Variants in RXRA observed in about 807,000 individuals in gnomAD.
The protein encoded by RXRA is retinoic acid receptor RXR-alpha.
Under a neutral mutation model 44.5 loss-of-function variants are expected in RXRA, and 5 were observed. The observed-to-expected ratio is 0.11, with a 90% CI of 0.06 to 0.24. RXRA has a LOEUF of 0.24. Ranked by LOEUF, RXRA falls within the 10% of genes least tolerant of loss-of-function variation. RXRA has a pLI of 1.00. For missense variants in RXRA, 412 were observed against 646.5 expected, an observed-to-expected ratio of 0.64 and a Z score of 3.93; for synonymous variants, 291 against 271.4, an observed-to-expected ratio of 1.07 and a Z score of -0.71.
At chr9:134,403,186 CTGT>C (rs925384966) in intron 2 of RXRA, 1 of 152,652 alleles carries the variant, frequency 6.6e-6, no homozygotes, top group Non-Finnish European at 1.5e-5. Flanking sequence ...CCACCTGGCC[CTGT>C]TTAGAGCTGG....
chr9:134,399,036 C>T (rs1395837720), intron 1 of RXRA, among the ~76,000 whole-genome samples: 1 of 152,288 alleles, frequency 6.6e-6, no homozygotes, highest in African/African-American at 2.4e-5. Context: ...AGCCCTGGTC[C>T]AGGCTCAGTC....
intron 6 of RXRA, chr9:134,424,718 C>G: frequency 5.1e-6 from 5 of 985,470 alleles, no homozygotes; most frequent in Non-Finnish European, 4.8e-6. Context: ...GGCCAGGTGG[C>G]TGGAGAGGAC....
At chr9:134,435,009 A>C (rs534390562) in intron 9 of RXRA, among the ~76,000 whole-genome samples, 1 of 152,292 alleles carries the variant, frequency 6.6e-6, no homozygotes, top group South Asian at 2.1e-4. Flanking sequence ...CCGGAGGACG[A>C]GGACAGGAGG....
At chr9:134,430,320 G>A (rs1450343662) in intron 7 of RXRA, among the ~76,000 whole-genome samples, 1 of 152,240 alleles carries the variant, frequency 6.6e-6, no homozygotes, top group African/African-American at 2.4e-5. Flanking sequence ...GCAGGGGTCT[G>A]CAACACAGGA....
intron 1 of RXRA, among the ~76,000 whole-genome samples, chr9:134,391,606 A>G (rs1830800812): frequency 1.3e-5 from 2 of 152,088 alleles, no homozygotes; most frequent in African/African-American, 2.4e-5. Flanking sequence ...GTTCAGGGGT[A>G]CGGCCTGGAA....
chr9:134,346,222 C>A (rs891645844), intron 1 of RXRA, among the ~76,000 whole-genome samples: 1 of 152,174 alleles, frequency 6.6e-6, no homozygotes, highest in Non-Finnish European at 1.5e-5. Context: ...GGGGTGGAGT[C>A]CCAGCCCGGG....
chr9:134,349,076 C>T lies in RXRA; in HGVS notation c.28+22417C>T, dbSNP rs1554749145. On this transcript the variant is annotated intron_variant, in intron 1 of 9. Coordinates refer to ENST00000481739, the MANE Select transcript of RXRA (RefSeq NM_002957.6). The surrounding 1 kb of genome is among the most constrained non-coding windows in gnomAD (Gnocchi z 4.3). ...GAAGGCTGGTGATGCATGGTGGGTA[C>T]GCTGCTTCCCGGGAGGGGACTTGTG... Among the ~76,000 whole-genome samples the T allele has an allele frequency of 6.6e-6, 1 of 152,188 alleles. No individual in the cohort carries two copies. Among genetic ancestry groups the T allele is most frequent in the Non-Finnish European group, 1.5e-5 (1 of 68,046 alleles).
At chr9:134,425,625 G>A (rs1255733158) in intron 6 of RXRA, 1 of 974,606 alleles carries the variant, frequency 1.0e-6, no homozygotes, top group African/African-American at 1.8e-5. Flanking sequence ...GGGAGGGAGG[G>A]GCCAGGCTTA....
intron 9 of RXRA, among the ~76,000 whole-genome samples, chr9:134,434,790 T>C (rs1831588274): frequency 6.6e-6 from 1 of 150,498 alleles, no homozygotes; most frequent in African/African-American, 2.5e-5. Context: ...GGATTCAAAG[T>C]CAGCGCTCCA....
At chr9:134,383,483 G>C (rs542429735) in intron 1 of RXRA, among the ~76,000 whole-genome samples, 4 of 152,136 alleles carry the variant, frequency 2.6e-5, no homozygotes, top group Non-Finnish European at 4.4e-5. Flanking sequence ...ATGGGGACAC[G>C]GACCCTCATT....
At chr9:134,405,210 G>C (rs955924199) in intron 2 of RXRA, 31 of 152,290 alleles carry the variant, frequency 2.0e-4, no homozygotes, top group Admixed American at 2.0e-3. Context: ...GCGGAAGAAC[G>C]CCCGCCTGGC....
At position 134,433,177 on chromosome 9, in the gene RXRA, A is replaced by G. The variant is rs1831560352; in HGVS notation, c.1136-925A>G. 6.6e-6 allele frequency among the ~76,000 whole-genome samples: 1 copy of G among 151,926 alleles called. No individual in the cohort carries two copies. Among genetic ancestry groups the G allele is most frequent in the African/African-American group, 2.4e-5 (1 of 41,350 alleles). On this transcript the variant is annotated intron_variant, in intron 8 of 9. Coordinates refer to ENST00000481739, the MANE Select transcript of RXRA (RefSeq NM_002957.6). The surrounding 1 kb of genome is among the most constrained non-coding windows in gnomAD (Gnocchi z 4.2). ...GAGAGCTTGTTTCCAGGGTCATTTT[A>G]TCACCCAGGCTGTGCATCCGGGCCG...
intron 7 of RXRA, among the ~76,000 whole-genome samples, chr9:134,430,052 T>C (rs1180918575): frequency 6.6e-6 from 1 of 151,904 alleles, no homozygotes; most frequent in Non-Finnish European, 1.5e-5. Flanking sequence ...CGCCCGGCTA[T>C]TTTTTTTGTA....
At chr9:134,378,099 C>T (rs1369590900) in intron 1 of RXRA, among the ~76,000 whole-genome samples, 9 of 152,262 alleles carry the variant, frequency 5.9e-5, no homozygotes, top group Non-Finnish European at 5.9e-5. Context: ...TGGCTGGCGA[C>T]GAGGAGCTAG....
At chr9:134,379,563 G>A (rs1295957137) in intron 1 of RXRA, 73 of 984,532 alleles carry the variant, frequency 7.4e-5, no homozygotes, top group Non-Finnish European at 8.8e-5. Flanking sequence ...CGGCCTCATG[G>A]GGGGCTTGCT....
rs562666953 is a variant in RXRA, at chr9:134,408,878, G to C, written c.431-62G>C. ...CAGCTGGTAGTGGCGGCGTTGGATG[G>C]GGGGTGGGCTCCCTGCCGGGGCGGT... is the stretch of plus-strand genomic sequence containing the variant. On this transcript the variant is annotated intron_variant, in intron 3 of 9. Transcript: ENST00000481739. 4.2e-5 allele frequency: 59 copies of C among 1,418,070 alleles called. 1 individual carries two copies. The South Asian group carries it at 8.4e-4, about 20-fold the overall frequency. 87.8% of individuals were successfully genotyped at this position (1,418,070 alleles called of 1,614,324 possible). A position where few individuals can be genotyped will look rare whatever the true frequency, so the allele number is the denominator to read the frequency against.
chr9:134,435,706 T>C (rs1242154103), intron 9 of RXRA, among the ~76,000 whole-genome samples: 1 of 152,132 alleles, frequency 6.6e-6, no homozygotes, highest in African/African-American at 2.4e-5. Context: ...CTGATGCTCT[T>C]TGACTTCTTG....
chr9:134,382,311 G>A (rs568484693), intron 1 of RXRA, among the ~76,000 whole-genome samples: 23 of 152,082 alleles, frequency 1.5e-4, no homozygotes, highest in South Asian at 6.2e-4. Context: ...GACTGGGCTC[G>A]GAGGGCTCTG....
rs1831430283 is a variant in RXRA at position 134,426,091 on chromosome 9, T to G, written c.911-3017T>G. ...GAGGGATCTGCAGGAGTAAGTTCCT[T>G]GGGAAGGGCCAGCCTCTTGAGTTGG... On this transcript the variant is annotated intron_variant, in intron 6 of 9. Transcript: ENST00000481739. This position sits in a 1 kb window ranked among gnomAD's most constrained non-coding sequence, Gnocchi z 4.6. 11 of 985,232 alleles carry G rather than the reference T, an allele frequency of 1.1e-5. No homozygotes were observed. Among genetic ancestry groups the G allele is most frequent in the Non-Finnish European group, 1.2e-5 (10 of 829,912 alleles). The allele number at this position is 985,232 out of a possible 1,614,324, so 61.0% of individuals were successfully genotyped here.
Sources: gnomAD v4.1 joint callset for allele counts (sites outside exome capture counted in the v4.1 genomes callset) on GRCh38, gnomAD v4.1.1 for gene constraint, Gnocchi (gnomAD v3.1) non-coding constraint, MANE v1.5 for transcripts, NCBI Gene and HGNC (gene_info 2026-07-23, HGNC 2026-07-21) for gene names.